Variants in DPH6 observed in about 807,000 individuals in gnomAD.
DPH6 encodes the protein diphthine--ammonia ligase.
DPH6 carries 33 observed loss-of-function variants against 38.2 expected under a neutral mutation model. The observed-to-expected ratio is 0.86, with a 90% CI of 0.65 to 1.15. DPH6 has a LOEUF of 1.15. Among genes scored for constraint, DPH6 ranks in the 50% most tolerant of loss-of-function variants. The pLI is 0.00. For synonymous variants in DPH6, 108 were observed against 103.0 expected (o/e 1.05, Z -0.30); for missense variants, 325 against 320.0 (o/e 1.02, Z -0.12).
Position 35,372,212 on chromosome 15 carries a change from AAAAGGG to A in DPH6, c.751-15_751-10del, listed in dbSNP as rs989372524. On this transcript the variant is annotated splice_polypyrimidine_tract_variant and intron_variant, in intron 8 of 8. Coordinates refer to ENST00000256538, the MANE Select transcript of DPH6 (RefSeq NM_080650.4). ...TCAGGCACTGAGGACACCTAAAAAAAAAAGGGAAGGAAAGGGAAGGAAAATGCACCA... is the reference window on the plus strand; with the variant it reads ...TCAGGCACTGAGGACACCTAAAAAAAAAGGAAAGGGAAGGAAAATGCACCA... 16 of 1,499,128 alleles carry A rather than the reference AAAAGGG, an allele frequency of 1.1e-5. No homozygotes were observed. The African/African-American group carries it at 1.9e-4, about 17-fold the overall frequency. 92.9% of individuals were successfully genotyped at this position (1,499,128 alleles called of 1,614,324 possible).
At chr15:35,381,152 T>C (rs371090232) in intron 7 of DPH6, among the ~76,000 whole-genome samples, 3 of 152,262 alleles carry the variant, frequency 2.0e-5, no homozygotes, top group South Asian at 4.2e-4. Flanking sequence ...ACTCTGACAA[T>C]CTTTTCCATG....
downstream of DPH6, chr15:35,370,765 A>G (rs1025876227): frequency 6.6e-6 from 1 of 151,736 alleles, no homozygotes; most frequent in African/African-American, 2.4e-5. Context: ...CTACTTTGGA[A>G]AACAGTGTGG....
At chr15:35,470,401 T>G (rs1381717492) in intron 3 of DPH6, among the ~76,000 whole-genome samples, 1 of 152,082 alleles carries the variant, frequency 6.6e-6, no homozygotes, top group African/African-American at 2.4e-5. Flanking sequence ...AAAAGTTCAC[T>G]GGATTTGGTC....
At chr15:35,260,609 T>C (rs1358158772) in intron 3 of DPH6, among the ~76,000 whole-genome samples, 2 of 151,978 alleles carry the variant, frequency 1.3e-5, no homozygotes, top group Non-Finnish European at 2.9e-5. Flanking sequence ...AAATTTAGGA[T>C]AAATGAAGTG....
intron 3 of DPH6, among the ~76,000 whole-genome samples, chr15:35,483,356 CA>C (rs2054353074): frequency 6.6e-6 from 1 of 151,458 alleles, no homozygotes; most frequent in Non-Finnish European, 1.5e-5. Context: ...CCCAGCTACT[CA>C]AGAGGCTGAG....
Position 35,381,847 on chromosome 15 carries a change from G to C in DPH6, c.637C>G (p.Pro213Ala), listed in dbSNP as rs987622986. The C allele has an allele frequency of 6.2e-7, 1 of 1,612,798 alleles. No individual in the cohort carries two copies. Among genetic ancestry groups the C allele is most frequent in the South Asian group, 1.1e-5 (1 of 91,056 alleles). The stretch of plus-strand genomic sequence containing the variant: ...ACAATTATTTTCTTCTTAAATAGAG[G>C]GCAATCCAAAGTGAAAGTTTCATAC... ...GEYETFTLDC[P>A]LFKKKIIVDS... Residue 213 changes from proline to alanine, a missense_variant, in exon 7 of 9, where the codon CCT becomes GCT. By Grantham distance (27) the Pro-to-Ala change is conservative. Coordinates refer to ENST00000256538, the MANE Select transcript of DPH6 (RefSeq NM_080650.4).
At chr15:35,157,765 G>A in the DPH6 span, among the ~76,000 whole-genome samples, 4 of 152,140 alleles carry the variant, frequency 2.6e-5, no homozygotes, top group Middle Eastern at 3.4e-3. Context: ...GACCATTCCT[G>A]TTCTGTGAAC....
intron 5 of DPH6, among the ~76,000 whole-genome samples, chr15:35,441,789 T>A (rs1260109657): frequency 3.1e-5 from 3 of 97,716 alleles, no homozygotes; most frequent in African/African-American, 1.2e-4. Flanking sequence ...TGCACGTGTA[T>A]CCCAGAACTT....
intron 3 of DPH6, among the ~76,000 whole-genome samples, chr15:35,314,912 T>C (rs1176487003): frequency 2.0e-5 from 3 of 151,988 alleles, no homozygotes. Flanking sequence ...GAGAAGTAGC[T>C]CCAAAGCCAC....
chr15:35,269,134 CTAAA>C (rs1038621013), intron 3 of DPH6, among the ~76,000 whole-genome samples: 2 of 152,176 alleles, frequency 1.3e-5, no homozygotes, highest in African/African-American at 2.4e-5. Context: ...TGAGGACTAC[CTAAA>C]TAAATTATTT....
At chr15:35,437,286 G>A (rs1443987005) in intron 5 of DPH6, among the ~76,000 whole-genome samples, 1 of 151,890 alleles carries the variant, frequency 6.6e-6, no homozygotes, top group African/African-American at 2.4e-5. Flanking sequence ...TGAGTCCTGG[G>A]GCTCCTTTGA....
At chr15:35,302,420 G>T (rs1008342594) in intron 3 of DPH6, among the ~76,000 whole-genome samples, 5 of 152,090 alleles carry the variant, frequency 3.3e-5, no homozygotes, top group Non-Finnish European at 7.4e-5. Flanking sequence ...CACATTATTG[G>T]TGTATTATTT....
At chr15:35,342,935 T>C (rs536353832) in intron 3 of DPH6, among the ~76,000 whole-genome samples, 1 of 152,310 alleles carries the variant, frequency 6.6e-6, no homozygotes, top group Admixed American at 6.5e-5. Flanking sequence ...AGTTCAAAGC[T>C]ATTCTTTCTC....
chr15:35,272,892 G>A (rs2051832064), intron 3 of DPH6, among the ~76,000 whole-genome samples: 1 of 151,586 alleles, frequency 6.6e-6, no homozygotes, highest in Admixed American at 6.6e-5. Flanking sequence ...GGGCAACAGA[G>A]CGAGACCCCA....
the DPH6 span, among the ~76,000 whole-genome samples, chr15:35,166,138 T>C: frequency 1.3e-5 from 2 of 151,960 alleles, no homozygotes; most frequent in African/African-American, 2.4e-5. Context: ...TGGCCTTTTC[T>C]GTCCTTCTCC....
At chr15:35,248,422 T>C (rs318343) in intron 3 of DPH6, among the ~76,000 whole-genome samples, 98,816 of 152,098 alleles carry the variant, frequency 0.65, 33,625 homozygotes, top group Non-Finnish European at 0.77. Flanking sequence ...TGCCCCATAC[T>C]CAGAAGGAAT....
chr15:35,354,541 T>C (rs549531224), intron 3 of DPH6, among the ~76,000 whole-genome samples: 7 of 152,246 alleles, frequency 4.6e-5, no homozygotes, highest in African/African-American at 1.7e-4. Flanking sequence ...GAGATAATCA[T>C]GTGGTTTTTG....
Position 35,410,890 on chromosome 15 carries a change from T to C in DPH6, c.512A>G (p.Asp171Gly), listed in dbSNP as rs1297244652. 1 of 1,604,034 alleles carries C rather than the reference T, an allele frequency of 6.2e-7. No homozygotes were observed. Among genetic ancestry groups the C allele is most frequent in the East Asian group, 2.3e-5 (1 of 44,444 alleles). Reference protein sequence around the residue: ...MIIKVAALGLDPDKHLGKTLD... With the variant: ...MIIKVAALGLGPDKHLGKTLD... ...GGTTTTCCCAAGATGCTTATCAGGA[T>C]CTAAACCTGCCAAGAAAGGTTACAT... The change falls in exon 6 of 9, where the codon GAT (aspartate) becomes GGT (glycine). Residue 171 changes from aspartate to glycine, a missense_variant. Physicochemically the swap from Asp to Gly is moderately conservative, Grantham distance 94. Coordinates refer to ENST00000256538, the MANE Select transcript of DPH6 (RefSeq NM_080650.4).
At chr15:35,385,160 A>G (rs1021469962) in intron 6 of DPH6, among the ~76,000 whole-genome samples, 3 of 152,190 alleles carry the variant, frequency 2.0e-5, no homozygotes, top group Admixed American at 1.3e-4. Flanking sequence ...ACACTTTTAC[A>G]CTGTTGGTGG....
Sources: allele counts gnomAD v4.1 joint callset (sites outside exome capture counted in the v4.1 genomes callset), GRCh38; gene constraint gnomAD v4.1.1; transcripts MANE v1.5; gene names NCBI Gene and HGNC (gene_info 2026-07-23, HGNC 2026-07-21).